Variants in TRPA1 observed in about 807,000 individuals in gnomAD.
TRPA1 encodes the protein ankyrin-like with transmembrane domains 1.
In TRPA1, 129 loss-of-function variants were observed where a neutral mutation model predicts 131.3. That is an observed-to-expected ratio of 0.98 (90% confidence interval 0.85 to 1.14). The LOEUF (loss-of-function observed/expected upper bound fraction) is 1.14, where lower values mean the gene tolerates loss of function less well. TRPA1 is among the 50% of genes most tolerant of loss of function. The probability of loss-of-function intolerance (pLI) is 0.00; values close to 1 mark genes in which losing one functional copy is unlikely to be tolerated. For missense variants in TRPA1, 1,304 were observed against 1,354.2 expected (o/e 0.96, Z 0.58); for synonymous variants, 441 against 451.7 (o/e 0.98, Z 0.30).
At chr8:72,031,592 A>G (rs1201093548) in intron 23 of TRPA1, among the ~76,000 whole-genome samples, 1 of 144,582 alleles carries the variant, frequency 6.9e-6, no homozygotes, top group Non-Finnish European at 1.5e-5. Context: ...AAAACAAAAA[A>G]ACAAAAAAAA....
chr8:72,059,633 TAGG>T (rs1394390793), intron 7 of TRPA1, among the ~76,000 whole-genome samples, 195 bp from the exon 8 acceptor site: 1 of 152,176 alleles, frequency 6.6e-6, no homozygotes, highest in Non-Finnish European at 1.5e-5. Flanking sequence ...GTAATAATAA[TAGG>T]AGAACACCAA....
intron 3 of TRPA1, among the ~76,000 whole-genome samples, chr8:72,066,001 A>C (rs1465657126): frequency 6.6e-6 from 1 of 152,206 alleles, no homozygotes; most frequent in Non-Finnish European, 1.5e-5. Flanking sequence ...GGGAGGGAGA[A>C]AAAGCAGGAA....
At position 72,042,429 on chromosome 8, in the gene TRPA1, A is replaced by T. The variant is rs145328068; in HGVS notation, c.2062-2632T>A. 4.6e-5 allele frequency among the ~76,000 whole-genome samples: 7 copies of T among 152,080 alleles called. No homozygotes were observed. In the East Asian group the frequency reaches 1.4e-3, roughly 29 times the overall value. ...CAAAAAATAACAAGTATTGGTGAGC[A>T]TGCTGAGAAACTGGAATCTTTGTGC... On this transcript the variant is annotated intron_variant, in intron 17 of 26. Transcript: ENST00000262209.
At position 72,050,860 on chromosome 8, in the gene TRPA1, C is replaced by T. The variant is rs747708313; in HGVS notation, c.1823G>A (p.Cys608Tyr). Residue 608 changes from cysteine to tyrosine, a missense_variant, in exon 15 of 27, where the codon TGT becomes TAT. Physicochemically the swap from Cys to Tyr is radical, Grantham distance 194. Coordinates refer to ENST00000262209, the MANE Select transcript of TRPA1 (RefSeq NM_007332.3). ...TIIRSKRWDECLKIFSHNSPG... is the reference protein window; with the variant it reads ...TIIRSKRWDEYLKIFSHNSPG... ...AGAATTATGACTGAAAATCTTAAGACATTCATCCCATCTGTAAAAAATAAA... is the reference window on the plus strand; with the variant it reads ...AGAATTATGACTGAAAATCTTAAGATATTCATCCCATCTGTAAAAAATAAA... The T allele has an allele frequency of 5.0e-6, 8 of 1,605,946 alleles. No homozygotes were observed. Among genetic ancestry groups the T allele is most frequent in the African/African-American group, 1.3e-5 (1 of 74,870 alleles).
intron 15 of TRPA1, among the ~76,000 whole-genome samples, chr8:72,047,615 A>C (rs1805369822): frequency 6.6e-6 from 1 of 152,132 alleles, no homozygotes; most frequent in Non-Finnish European, 1.5e-5. Context: ...TTGAGCACCC[A>C]CATATTTCCA....
At chr8:72,074,433 A>G (rs1806131230) in intron 1 of TRPA1, among the ~76,000 whole-genome samples, 1 of 152,052 alleles carries the variant, frequency 6.6e-6, no homozygotes, top group African/African-American at 2.4e-5. Flanking sequence ...TTGTGTAAGC[A>G]TTTTTTTTAA....
intron 15 of TRPA1, among the ~76,000 whole-genome samples, chr8:72,048,043 G>T (rs564202662): frequency 6.6e-6 from 1 of 151,584 alleles, no homozygotes; most frequent in Non-Finnish European, 1.5e-5. Flanking sequence ...GTGTTTAGAG[G>T]GGGGTGGACA....
At chr8:72,089,189 A>C in the TRPA1 span, among the ~76,000 whole-genome samples, 28 of 152,200 alleles carry the variant, frequency 1.8e-4, no homozygotes, top group Non-Finnish European at 3.7e-4. Context: ...AACCTGAAGC[A>C]GTTGCCAAAA....
At chr8:72,047,022 A>G (rs925032883) in intron 16 of TRPA1, 126 bp downstream of exon 16, 4 of 749,804 alleles carry the variant, frequency 5.3e-6, no homozygotes, top group Non-Finnish European at 8.8e-6. Context: ...AGATAATACA[A>G]TAATATGACA....
At chr8:72,025,749 C>A (rs1486079180) in intron 25 of TRPA1, among the ~76,000 whole-genome samples, 2 of 152,200 alleles carry the variant, frequency 1.3e-5, no homozygotes, top group Non-Finnish European at 2.9e-5. Context: ...TATGGATGAA[C>A]CACCTGAAAG....
chr8:72,032,936 G>A (rs1811886988), intron 23 of TRPA1, among the ~76,000 whole-genome samples: 1 of 152,180 alleles, frequency 6.6e-6, no homozygotes, highest in African/African-American at 2.4e-5. Context: ...CAGGCACAAC[G>A]ATGCCAATAA....
In TRPA1 at chr8:72,023,047, C is replaced by A; in HGVS notation, c.3219G>T (p.Glu1073Asp). Reference sequence around the variant, plus strand: ...CATCATCCTCTGTCTCAGAGATGATCTCCATCTTCTGAATGATCAGTTTAA... The same window carrying A: ...CATCATCCTCTGTCTCAGAGATGATATCCATCTTCTGAATGATCAGTTTAA... The part of the protein sequence containing the change: ...ELIKLIIQKM[E>D]IISETEDDDS... The change falls in exon 27 of 27, where the codon GAG (glutamate) becomes GAT (aspartate). Residue 1073 changes from glutamate (E) to aspartate (D), a missense_variant. Transcript: ENST00000262209. The A allele has an allele frequency of 6.2e-7, 1 of 1,613,770 alleles. No homozygotes were observed. Among genetic ancestry groups the A allele is most frequent in the Non-Finnish European group, 8.5e-7 (1 of 1,179,832 alleles).
the TRPA1 span, among the ~76,000 whole-genome samples, chr8:72,084,897 G>A: frequency 0.19 from 28,805 of 151,796 alleles, 3,025 homozygotes; most frequent in East Asian, 0.36. Context: ...TGATCTGCCC[G>A]CCTCAGCCTC....
chr8:72,077,393 G>A (rs1401731308), upstream of TRPA1, among the ~76,000 whole-genome samples: 12 of 152,028 alleles, frequency 7.9e-5, no homozygotes, highest in African/African-American at 2.9e-4. Flanking sequence ...CCCCTCCTTT[G>A]TAATATCCCC....
chr8:72,023,476 C>T (rs1811469243), intron 26 of TRPA1: 1 of 428,122 alleles, frequency 2.3e-6, no homozygotes, highest in African/African-American at 2.0e-5. Context: ...TGACTGCCCA[C>T]CACATAGTTA....
Position 72,062,826 on chromosome 8 carries a change from G to T in TRPA1, c.780C>A (p.Asp260Glu), listed in dbSNP as rs781147326. Residue 260 changes from aspartate to glutamate, a missense_variant, in exon 6 of 27, where the codon GAC becomes GAA. Coordinates refer to ENST00000262209, the MANE Select transcript of TRPA1 (RefSeq NM_007332.3). ...CCACTGGGTCTATTTGTGCACCATT[G>T]TCCAGGCACATTTTGATCATTTCCA... ...GDLEMIKMCL[D>E]NGAQIDPVEK... 1.9e-6 allele frequency: 3 copies of T among 1,613,944 alleles called. No homozygotes were observed. The highest frequency in any genetic ancestry group is 1.7e-6 in the Non-Finnish European group (2 of 1,179,962).
At chr8:72,066,304 A>G (rs1044349865) in intron 3 of TRPA1, among the ~76,000 whole-genome samples, 3 of 152,192 alleles carry the variant, frequency 2.0e-5, no homozygotes, top group African/African-American at 7.2e-5. Context: ...TTTATTTTAT[A>G]TTCAATGTAA....
Position 72,029,958 on chromosome 8 carries a change from T to G in TRPA1, c.2880A>C (p.Ala960=). The G allele has an allele frequency of 6.2e-7, 1 of 1,613,948 alleles. No homozygotes were observed. The highest frequency in any genetic ancestry group is 8.5e-7 in the Non-Finnish European group (1 of 1,179,832). The change falls in exon 24 of 27, where the codon GCA becomes GCC. Residue 960 remains alanine (A), a synonymous_variant. Transcript: ENST00000262209. ...IVLMNLLIGL[A]VGDIAEVQKH... is the part of the protein sequence containing the mutation. Reference sequence around the variant, plus strand: ...TCTGGACCTCAGCAATGTCGCCAACTGCCAAACCAATCTGAAGTATGACAC... The same window carrying G: ...TCTGGACCTCAGCAATGTCGCCAACGGCCAAACCAATCTGAAGTATGACAC...
Position 72,025,923 on chromosome 8 carries a change from C to A in TRPA1, c.3051+37G>T. 3 of 1,543,078 alleles carry A rather than the reference C, an allele frequency of 1.9e-6. No homozygotes were observed. In the South Asian group the frequency reaches 3.4e-5, roughly 17 times the overall value. On this transcript the variant is annotated intron_variant, in intron 25 of 26. Transcript: ENST00000262209. ...ACAATGAATGAATGTCAAACAGTGT[C>A]ATGTTACTGATGTTGTTATTTGTTA...
Sources: allele counts gnomAD v4.1 joint callset (sites outside exome capture counted in the v4.1 genomes callset), GRCh38; gene constraint gnomAD v4.1.1; transcripts MANE v1.5; gene names NCBI Gene and HGNC (gene_info 2026-07-23, HGNC 2026-07-21).